ZNF804B: variants seen among roughly 807,000 people sequenced by gnomAD.
ZNF804B encodes the protein zinc finger 804B.
A neutral mutation model predicts 101.4 loss-of-function variants in ZNF804B; 80 were observed. That is an observed-to-expected ratio of 0.79 (90% confidence interval 0.66 to 0.95). The LOEUF is 0.95. Ranked by LOEUF, ZNF804B falls within the 40% of genes least tolerant of loss-of-function variation. ZNF804B has a pLI of 0.00. For missense variants in ZNF804B, 1,673 were observed against 1,561.9 expected (o/e 1.07, Z -1.20); for synonymous variants, 622 against 558.8 (o/e 1.11, Z -1.59).
intron 1 of ZNF804B, among the ~76,000 whole-genome samples, chr7:89,105,088 C>T (rs1358281754): frequency 1.3e-5 from 2 of 152,034 alleles, no homozygotes; most frequent in African/African-American, 4.8e-5. Flanking sequence ...CTTGGTTTTG[C>T]CCTTCTCCTA....
intron 1 of ZNF804B, among the ~76,000 whole-genome samples, chr7:88,870,844 A>T (rs1791811594): frequency 6.6e-6 from 1 of 152,162 alleles, no homozygotes; most frequent in South Asian, 2.1e-4. Context: ...CTAGGATATT[A>T]TTTCTAGGCC....
At chr7:89,328,558 A>C (rs1790930453) in intron 3 of ZNF804B, among the ~76,000 whole-genome samples, 1 of 151,856 alleles carries the variant, frequency 6.6e-6, no homozygotes. Flanking sequence ...TTCTACAGCC[A>C]ACACAATGAG....
At chr7:89,165,117 T>A (rs1427572521) in intron 1 of ZNF804B, among the ~76,000 whole-genome samples, 7 of 152,150 alleles carry the variant, frequency 4.6e-5, no homozygotes, top group Non-Finnish European at 1.5e-5. Flanking sequence ...AGAGCTGGTG[T>A]TCCAAACTGA....
chr7:89,080,519 T>C (rs1562879022), intron 1 of ZNF804B, among the ~76,000 whole-genome samples: 1 of 151,840 alleles, frequency 6.6e-6, no homozygotes, highest in African/African-American at 2.4e-5. Context: ...TCAAGAAACA[T>C]TTCTTCTTCT....
chr7:88,908,516 A>T (rs1792503936), intron 1 of ZNF804B, among the ~76,000 whole-genome samples: 1 of 151,840 alleles, frequency 6.6e-6, no homozygotes, highest in South Asian at 2.1e-4. Context: ...GACCAAAAAT[A>T]CTTCTACCTT....
chr7:89,174,377 C>G (rs763569154), intron 1 of ZNF804B, among the ~76,000 whole-genome samples: 1 of 151,968 alleles, frequency 6.6e-6, no homozygotes, highest in Non-Finnish European at 1.5e-5. Flanking sequence ...ATTTATTTCA[C>G]TTAATATATT....
intron 1 of ZNF804B, among the ~76,000 whole-genome samples, chr7:88,809,046 ATAG>A (rs1790734639): frequency 6.6e-6 from 1 of 152,202 alleles, no homozygotes; most frequent in African/African-American, 2.4e-5. Flanking sequence ...TTTGTAATTT[ATAG>A]TAGAAGTATC....
intron 1 of ZNF804B, among the ~76,000 whole-genome samples, chr7:89,195,075 C>T (rs1407181817): frequency 2.6e-5 from 4 of 151,196 alleles, no homozygotes; most frequent in Admixed American, 6.6e-5. Context: ...ATAAACAGAA[C>T]CAAAGACAAA....
intron 1 of ZNF804B, among the ~76,000 whole-genome samples, chr7:88,951,772 A>C (rs1208957606): frequency 1.3e-5 from 2 of 151,844 alleles, no homozygotes; most frequent in Non-Finnish European, 1.5e-5. Flanking sequence ...AAACAAAACA[A>C]AACCCATTAA....
At chr7:89,285,546 A>AAAAAAAAAAAAAGAAGAAGAAG (rs1554389597) in intron 2 of ZNF804B, among the ~76,000 whole-genome samples, 2 of 93,450 alleles carry the variant, frequency 2.1e-5, no homozygotes, top group African/African-American at 1.0e-4. Flanking sequence ...AAAAAAAAAA[A>AAAAAAAAAAAAAGAAGAAGAAG]AAGAAGAAGA....
chr7:89,069,831 A>C (rs1214453249), intron 1 of ZNF804B, among the ~76,000 whole-genome samples: 1 of 152,170 alleles, frequency 6.6e-6, no homozygotes, highest in African/African-American at 2.4e-5. Context: ...TTGGAAGATT[A>C]TTTCTTTTTA....
At chr7:89,087,453 T>C (rs1789821835) in intron 1 of ZNF804B, among the ~76,000 whole-genome samples, 1 of 151,928 alleles carries the variant, frequency 6.6e-6, no homozygotes, top group Non-Finnish European at 1.5e-5. Flanking sequence ...AAGGAATACA[T>C]AAATATTAAC....
intron 1 of ZNF804B, among the ~76,000 whole-genome samples, chr7:88,790,989 T>A (rs1790375165): frequency 6.6e-6 from 1 of 152,116 alleles, no homozygotes; most frequent in South Asian, 2.1e-4. Context: ...CATTTGTTAC[T>A]GAAGACAATT....
At chr7:88,772,323 G>C (rs1790082438) in intron 1 of ZNF804B, among the ~76,000 whole-genome samples, 2 of 152,090 alleles carry the variant, frequency 1.3e-5, no homozygotes, top group African/African-American at 4.8e-5. Flanking sequence ...TCCAATAGTA[G>C]GTCACTTTAC....
rs1376291658 is a variant in ZNF804B, at chr7:89,334,698, T to C, written c.1716T>C (p.Asp572=). 1 of 1,613,670 alleles carries C rather than the reference T, an allele frequency of 6.2e-7. No individual in the cohort carries two copies. Among genetic ancestry groups the C allele is most frequent in the East Asian group, 2.2e-5 (1 of 44,860 alleles). ...NKSEYTFSAN[D]LEMKNPKVPL... The stretch of plus-strand genomic sequence containing the variant: ...GTGAATATACTTTCAGTGCAAATGA[T>C]TTGGAAATGAAAAATCCTAAAGTGC... Residue 572 remains aspartate (D), a synonymous_variant, in exon 4 of 4, where the codon GAT becomes GAC. Transcript: ENST00000333190.
intron 1 of ZNF804B, among the ~76,000 whole-genome samples, chr7:89,080,688 A>G (rs887712910): frequency 1.3e-5 from 2 of 151,962 alleles, no homozygotes; most frequent in Admixed American, 6.6e-5. Context: ...AACATAGTGA[A>G]CTATTCAGTT....
At chr7:89,266,007 A>G (rs182236759) in intron 2 of ZNF804B, among the ~76,000 whole-genome samples, 14 of 152,354 alleles carry the variant, frequency 9.2e-5, no homozygotes, top group Non-Finnish European at 1.9e-4. Context: ...AACCATGAGT[A>G]CAATTAATGA....
intron 1 of ZNF804B, among the ~76,000 whole-genome samples, chr7:88,854,733 T>C (rs1227730342): frequency 6.7e-6 from 1 of 148,368 alleles, no homozygotes; most frequent in Non-Finnish European, 1.5e-5. Context: ...TAGGTATATC[T>C]CCTAATACTA....
At chr7:88,775,527 A>C (rs953384002) in intron 1 of ZNF804B, among the ~76,000 whole-genome samples, 9 of 152,240 alleles carry the variant, frequency 5.9e-5, no homozygotes, top group African/African-American at 2.2e-4. Flanking sequence ...ATGCCAAATG[A>C]GATAGGTAAC....
Sources: allele counts gnomAD v4.1 joint callset (sites outside exome capture counted in the v4.1 genomes callset), GRCh38; gene constraint gnomAD v4.1.1; transcripts MANE v1.5; gene names NCBI Gene and HGNC (gene_info 2026-07-23, HGNC 2026-07-21).